Variants in CALN1 observed in about 807,000 individuals in gnomAD.
CALN1 encodes calneuron 1.
Under a neutral mutation model 30.6 loss-of-function variants are expected in CALN1, and 17 were observed. The observed-to-expected ratio is 0.56, with a 90% CI of 0.38 to 0.83. The LOEUF is 0.83. Among genes scored for constraint, CALN1 ranks in the 40% least tolerant of loss-of-function variants. The pLI is 0.00. For missense variants in CALN1, 291 were observed against 354.9 expected, an observed-to-expected ratio of 0.82 and a Z score of 1.45; for synonymous variants, 156 against 131.4, an observed-to-expected ratio of 1.19 and a Z score of -1.28.
chr7:72,352,388 C>CAAA (rs59245091), intron 2 of CALN1, among the ~76,000 whole-genome samples: 1,075 of 81,726 alleles, frequency 0.013, 82 homozygotes, highest in African/African-American at 0.03. Context: ...GACTCTGTCT[C>CAAA]AAAAAAAAAA....
chr7:71,889,095 G>T (rs117440555), intron 5 of CALN1, among the ~76,000 whole-genome samples: 2 of 152,196 alleles, frequency 1.3e-5, no homozygotes, highest in African/African-American at 4.8e-5. Context: ...ACCCAGGTGC[G>T]ATGTGAGATC....
intron 5 of CALN1, among the ~76,000 whole-genome samples, chr7:71,962,540 A>G (rs1797302565): frequency 6.6e-6 from 1 of 152,202 alleles, no homozygotes; most frequent in Admixed American, 6.5e-5. Flanking sequence ...GACATTCTGG[A>G]CTATATAGAG....
At chr7:72,487,852 AAG>A in the CALN1 span, among the ~76,000 whole-genome samples, 213 of 72,656 alleles carry the variant, frequency 2.9e-3, 2 homozygotes, top group South Asian at 0.04. Context: ...AAGAAAAAGA[AAG>A]AGAAAGAAAG....
chr7:72,052,474 AC>A lies in CALN1; in HGVS notation c.389-28706del, dbSNP rs1284529285. ...TTCAGGCTTGGGGGTGATGGTCTTGACCTCACTGACTACTGACCACCCGAAG... is the reference window on the plus strand; with the variant it reads ...TTCAGGCTTGGGGGTGATGGTCTTGACTCACTGACTACTGACCACCCGAAG... On this transcript the variant is annotated intron_variant, in intron 4 of 6. Transcript: ENST00000395275. Among the ~76,000 whole-genome samples the A allele has an allele frequency of 5.0e-5, 6 of 119,238 alleles. No homozygotes were observed. In the East Asian group the frequency reaches 0.014, roughly 285 times the overall value. The allele number at this position is 119,238 out of a possible 152,430, so 78.2% of individuals were successfully genotyped here. A position where few individuals can be genotyped will look rare whatever the true frequency, so the allele number is the denominator to read the frequency against.
intron 5 of CALN1, among the ~76,000 whole-genome samples, chr7:71,999,562 G>C (rs996463938): frequency 4.6e-5 from 7 of 151,568 alleles, no homozygotes; most frequent in African/African-American, 1.7e-4. Flanking sequence ...CACCCAGGCT[G>C]GAGTGCAGTG....
At chr7:72,473,754 G>A in the CALN1 span, among the ~76,000 whole-genome samples, 6 of 151,818 alleles carry the variant, frequency 4.0e-5, no homozygotes, top group Non-Finnish European at 7.4e-5. Flanking sequence ...CCAACGTGGC[G>A]AAACCCCATC....
chr7:72,208,401 G>A (rs1028792455), intron 3 of CALN1, among the ~76,000 whole-genome samples: 1 of 152,152 alleles, frequency 6.6e-6, no homozygotes, highest in African/African-American at 2.4e-5. Flanking sequence ...TCTAAATAGA[G>A]CAGAATGTAT....
chr7:72,410,371 C>T (rs941832373), intron 1 of CALN1, among the ~76,000 whole-genome samples: 3 of 152,164 alleles, frequency 2.0e-5, no homozygotes, highest in African/African-American at 7.2e-5. Context: ...TCTAAAACTG[C>T]CAATCTAGGA....
At chr7:71,968,411 C>A (rs984073960) in intron 5 of CALN1, among the ~76,000 whole-genome samples, 7 of 152,130 alleles carry the variant, frequency 4.6e-5, no homozygotes, top group Admixed American at 2.0e-4. Context: ...GTACATGAGG[C>A]CTTCTTTGGA....
chr7:72,020,919 T>G (rs1012725787), intron 5 of CALN1, among the ~76,000 whole-genome samples: 1 of 152,068 alleles, frequency 6.6e-6, no homozygotes, highest in Non-Finnish European at 1.5e-5. Context: ...TGCTTAGAAC[T>G]CACAAGGCCT....
At chr7:72,231,581 G>T (rs768003126) in intron 3 of CALN1, among the ~76,000 whole-genome samples, 1 of 152,132 alleles carries the variant, frequency 6.6e-6, no homozygotes, top group Non-Finnish European at 1.5e-5. Context: ...GAATAGTGCT[G>T]CAATGAACAT....
intron 2 of CALN1, among the ~76,000 whole-genome samples, chr7:72,379,393 T>TA: frequency 6.6e-6 from 1 of 152,252 alleles, no homozygotes; most frequent in Non-Finnish European, 1.5e-5. Flanking sequence ...GCAATGGTAA[T>TA]AGCTAACAGT....
At chr7:72,371,387 G>A (rs1370280181) in intron 2 of CALN1, among the ~76,000 whole-genome samples, 1 of 152,176 alleles carries the variant, frequency 6.6e-6, no homozygotes, top group Non-Finnish European at 1.5e-5. Flanking sequence ...AGACCAGGTG[G>A]GAGGTAATTA....
At chr7:72,382,712 G>A (rs1332202361) in intron 2 of CALN1, among the ~76,000 whole-genome samples, 2 of 152,136 alleles carry the variant, frequency 1.3e-5, no homozygotes, top group East Asian at 1.9e-4. Flanking sequence ...AGAACATGCA[G>A]TATTTGGATT....
chr7:71,801,060 G>A (rs183453265), intron 6 of CALN1, among the ~76,000 whole-genome samples: 5 of 152,180 alleles, frequency 3.3e-5, no homozygotes, highest in Admixed American at 1.3e-4. Context: ...GAGAACATGC[G>A]GTGTTTGGTT....
At chr7:72,080,281 T>C (rs1426330876) in intron 4 of CALN1, among the ~76,000 whole-genome samples, 1 of 152,168 alleles carries the variant, frequency 6.6e-6, no homozygotes, top group Non-Finnish European at 1.5e-5. Flanking sequence ...AATAATCCTT[T>C]AGCCTTATCT....
upstream of CALN1, among the ~76,000 whole-genome samples, chr7:72,412,747 G>A (rs1425241287): frequency 6.6e-6 from 1 of 152,184 alleles, no homozygotes; most frequent in Non-Finnish European, 1.5e-5. Flanking sequence ...TCAAGCCCTT[G>A]TCAAAGTCCC....
At chr7:72,140,128 G>A (rs1026201915) in intron 3 of CALN1, among the ~76,000 whole-genome samples, 1 of 151,854 alleles carries the variant, frequency 6.6e-6, no homozygotes. Context: ...AAAATTAGCT[G>A]GGAGTGGTGC....
chr7:72,268,793 C>CCCCACACA (rs71515103), intron 3 of CALN1, among the ~76,000 whole-genome samples: 1 of 145,834 alleles, frequency 6.9e-6, no homozygotes, highest in South Asian at 2.2e-4. Context: ...CAAGACCCTG[C>CCCCACACA]CACACACACA....
Sources: allele counts gnomAD v4.1 joint callset (sites outside exome capture counted in the v4.1 genomes callset), GRCh38; gene constraint gnomAD v4.1.1; transcripts MANE v1.5; gene names NCBI Gene and HGNC (gene_info 2026-07-23, HGNC 2026-07-21).